Variants in IL36G observed in about 807,000 individuals in gnomAD.
The protein encoded by IL36G is interleukin-36 gamma.
IL36G carries 10 observed loss-of-function variants against 13.5 expected under a neutral mutation model. The ratio of observed to expected loss-of-function variants is 0.74; its 90% CI spans 0.46 to 1.26. The LOEUF is 1.26. IL36G is among the 50% of genes most tolerant of loss of function. IL36G has a pLI of 0.00. For missense variants in IL36G, 199 were observed against 203.0 expected (o/e 0.98, Z 0.12); for synonymous variants, 84 against 74.0 (o/e 1.13, Z -0.69).
Position 112,984,965 on chromosome 2 carries a change from C to T in IL36G, c.426C>T (p.Ser142=), listed in dbSNP as rs764462541. The T allele has an allele frequency of 6.2e-6, 10 of 1,614,116 alleles. No homozygotes were observed. The highest frequency in any genetic ancestry group is 7.6e-6 in the Non-Finnish European group (9 of 1,180,000). Residue 142 remains serine (S), a synonymous_variant, in exon 5 of 5, where the codon TCC becomes TCT. Coordinates refer to ENST00000259205, the MANE Select transcript of IL36G (RefSeq NM_019618.4). ...CCTTCCCGGACTGGTTCATTGCCTC[C>T]TCCAAGAGAGACCAGCCCATCATTC... The part of the protein sequence containing the change: ...SVAFPDWFIA[S]SKRDQPIILT...
intron 4 of IL36G, chr2:112,981,138 C>T (rs1684253917): frequency 3.0e-6 from 3 of 1,013,498 alleles, no homozygotes; most frequent in East Asian, 2.4e-5. Context: ...ACCAGAAGTA[C>T]ACAGTTATCA....
chr2:112,984,720 C>A, intron 4 of IL36G, 120 bp from the exon 5 acceptor site: 3 of 817,016 alleles, frequency 3.7e-6, no homozygotes, highest in South Asian at 1.7e-5. Flanking sequence ...TCTAGGCCTG[C>A]TCTAATAGAT....
At chr2:112,980,713 GGA>G (rs1315552151) in intron 4 of IL36G, among the ~76,000 whole-genome samples, 1 of 152,216 alleles carries the variant, frequency 6.6e-6, no homozygotes, top group Admixed American at 6.5e-5. Flanking sequence ...TGGCATCACT[GGA>G]AAGTCCAGAG....
chr2:112,978,578 A>G, intron 1 of IL36G, 42 bp from the exon 2 acceptor site: 8 of 1,523,722 alleles, frequency 5.3e-6, no homozygotes, highest in East Asian at 2.3e-5. Flanking sequence ...AGGTCTTGGA[A>G]ACATCTCTTG....
chr2:112,980,720 C>T (rs1684246702), intron 4 of IL36G, among the ~76,000 whole-genome samples: 1 of 152,178 alleles, frequency 6.6e-6, no homozygotes, highest in Non-Finnish European at 1.5e-5. Flanking sequence ...ACTGGAAAGT[C>T]CAGAGTGCCT....
rs139031255 is a variant in IL36G at position 112,982,020 on chromosome 2, T to A, written c.300+1872T>A. Among the ~76,000 whole-genome samples, 195 of 152,298 alleles carry A rather than the reference T, an allele frequency of 1.3e-3. 2 individuals are homozygous for A. The highest frequency in any genetic ancestry group is 4.5e-3 in the African/African-American group (189 of 41,572). On this transcript the variant is annotated intron_variant, in intron 4 of 4. Transcript: ENST00000259205. ...GCTTGAGATATAGCTGTGCACAGAA[T>A]GGCAAAGAACCCTGACCATGTGGGG...
intron 4 of IL36G, among the ~76,000 whole-genome samples, chr2:112,983,032 A>G (rs549709015): frequency 1.4e-4 from 22 of 152,204 alleles, no homozygotes; most frequent in Non-Finnish European, 2.6e-4. Flanking sequence ...TTGATGGAGC[A>G]CAAGAGAGCA....
chr2:112,979,314 G>A lies in IL36G; in HGVS notation c.149G>A (p.Ser50Asn). The A allele has an allele frequency of 1.2e-6, 2 of 1,605,988 alleles. No homozygotes were observed. The highest frequency in any genetic ancestry group is 1.7e-6 in the Non-Finnish European group (2 of 1,172,526). Residue 50 changes from serine (S) to asparagine (N), a missense_variant, in exon 3 of 5, where the codon AGT (serine) becomes AAT (asparagine). By Grantham distance (46) the Ser-to-Asn change is conservative. Coordinates refer to ENST00000259205, the MANE Select transcript of IL36G (RefSeq NM_019618.4). Reference sequence around the variant, plus strand: ...CTTGTGGCAGTTCCACGAAGTGACAGTGTGACCCCAGGTGAGTGGTCACCC... The same window carrying A: ...CTTGTGGCAGTTCCACGAAGTGACAATGTGACCCCAGGTGAGTGGTCACCC... ...QNLVAVPRSD[S>N]VTPVTVAVIT...
chr2:112,978,826 C>T (rs1684212104), intron 2 of IL36G, 133 bp downstream of exon 2: 1 of 866,144 alleles, frequency 1.2e-6, no homozygotes, highest in Non-Finnish European at 1.9e-6. Flanking sequence ...GCCCACCTAC[C>T]ACTGGGCCCT....
At chr2:112,983,392 G>C (rs1186343335) in intron 4 of IL36G, among the ~76,000 whole-genome samples, 1 of 152,210 alleles carries the variant, frequency 6.6e-6, no homozygotes, top group East Asian at 1.9e-4. Flanking sequence ...GCTAAGTTTA[G>C]ATAGCAGTTG....
At position 112,985,016 on chromosome 2, in the gene IL36G, C is replaced by T; in HGVS notation, c.477C>T (p.Tyr159=). Residue 159 remains tyrosine, a synonymous_variant, in exon 5 of 5, where the codon TAC becomes TAT. Coordinates refer to ENST00000259205, the MANE Select transcript of IL36G (RefSeq NM_019618.4). ...TGACTTCAGAACTTGGGAAGTCATA[C>T]AACACTGCCTTTGAATTAAATATAA... ...IILTSELGKS[Y]NTAFELNIND 1 of 1,613,980 alleles carries T rather than the reference C, an allele frequency of 6.2e-7. No homozygotes were observed. The highest frequency in any genetic ancestry group is 8.5e-7 in the Non-Finnish European group (1 of 1,179,868).
chr2:112,979,171 G>A (rs1377402880), intron 2 of IL36G, 50 bp from the exon 3 acceptor site: 1 of 1,228,630 alleles, frequency 8.1e-7, no homozygotes, highest in Admixed American at 1.7e-5. Flanking sequence ...GTCTAGTAAA[G>A]CAGCCTTGAT....
chr2:112,981,701 C>T (rs1190121103), intron 4 of IL36G, among the ~76,000 whole-genome samples: 1 of 152,126 alleles, frequency 6.6e-6, no homozygotes, highest in Non-Finnish European at 1.5e-5. Context: ...TCTATCCCTT[C>T]ATTGCTTTTT....
chr2:112,978,714 A>G (rs1353875852), intron 2 of IL36G, 21 bp downstream of exon 2: 1 of 1,612,996 alleles, frequency 6.2e-7, no homozygotes, highest in Admixed American at 1.7e-5. Context: ...TGCTGTTGGG[A>G]TGGGGCTCTG....
At chr2:112,984,621 C>T (rs187320705) in intron 4 of IL36G, among the ~76,000 whole-genome samples, 2 of 152,166 alleles carry the variant, frequency 1.3e-5, no homozygotes, top group African/African-American at 4.8e-5. Context: ...TTGTAAACTT[C>T]CTACACCATC....
chr2:112,979,269 G>A lies in IL36G; in HGVS notation c.104G>A (p.Trp35Ter), dbSNP rs753921900. 3.1e-6 allele frequency: 5 copies of A among 1,613,426 alleles called. No individual in the cohort carries two copies. In the South Asian group the frequency reaches 4.4e-5, roughly 14 times the overall value. ...GTINDLNQQV[W>*]TLQGQNLVAV... The stretch of plus-strand genomic sequence containing the variant: ...ATTAATGATTTGAATCAGCAAGTGT[G>A]GACCCTTCAGGGTCAGAACCTTGTG... The change falls in exon 3 of 5, where the codon TGG (tryptophan) becomes TAG (stop). Residue 35 changes from tryptophan (W) to a stop codon, truncating the protein, a stop_gained. Coordinates refer to ENST00000259205, the MANE Select transcript of IL36G (RefSeq NM_019618.4). LOFTEE classifies it high-confidence loss of function.
At chr2:112,979,975 G>A (rs746249988) in intron 3 of IL36G, 34 bp from the exon 4 acceptor site, 10 of 1,601,428 alleles carry the variant, frequency 6.2e-6, no homozygotes, top group Admixed American at 1.7e-5. Context: ...ACTTCAAAAG[G>A]AAACTGATAC....
chr2:112,983,223 T>A (rs1573343032), intron 4 of IL36G, among the ~76,000 whole-genome samples: 1 of 152,020 alleles, frequency 6.6e-6, no homozygotes, highest in Admixed American at 6.6e-5. Flanking sequence ...AAGTTGAAGG[T>A]GATGATGGAG....
chr2:112,982,174 A>G (rs1473300164), intron 4 of IL36G, among the ~76,000 whole-genome samples: 1 of 152,256 alleles, frequency 6.6e-6, no homozygotes, highest in Admixed American at 6.5e-5. Flanking sequence ...ATAGACCAGC[A>G]GTACCAGGAA....
Sources: gnomAD v4.1 joint callset for allele counts (sites outside exome capture counted in the v4.1 genomes callset) on GRCh38, gnomAD v4.1.1 for gene constraint, MANE v1.5 for transcripts, NCBI Gene and HGNC (gene_info 2026-07-23, HGNC 2026-07-21) for gene names.